Variants in MYBPC3 observed in about 807,000 individuals in gnomAD.
MYBPC3 encodes the protein myosin-binding protein C, cardiac-type.
A neutral mutation model predicts 159.3 loss-of-function variants in MYBPC3; 108 were observed. The observed-to-expected ratio is 0.68, with a 90% CI of 0.58 to 0.80. The LOEUF (loss-of-function observed/expected upper bound fraction) is 0.80, where lower values mean the gene tolerates loss of function less well. Ranked by LOEUF, MYBPC3 falls within the 30% of genes least tolerant of loss-of-function variation. The pLI is 0.00. For synonymous variants in MYBPC3, 730 were observed against 702.0 expected (o/e 1.04, Z -0.63); for missense variants, 1,631 against 1,762.1 (o/e 0.93, Z 1.33).
intron 21 of MYBPC3, 57 bp from the exon 22 acceptor site, chr11:47,339,461 G>A (rs530950117): frequency 8.5e-5 from 134 of 1,569,234 alleles, no homozygotes; most frequent in Middle Eastern, 5.0e-4. Context: ...GCCTGGAAGC[G>A]CCCCTCTGCT....
intron 20 of MYBPC3, among the ~76,000 whole-genome samples, chr11:47,340,441 G>A (rs2095887376): frequency 6.6e-6 from 1 of 152,222 alleles, no homozygotes; most frequent in African/African-American, 2.4e-5. Flanking sequence ...GAGGCAGGCA[G>A]ATCATGAGAT....
chr11:47,346,937 C>T lies in MYBPC3; in HGVS notation c.908+90G>A. The T allele has an allele frequency of 1.3e-6, 1 of 763,284 alleles. No homozygotes were observed. The highest frequency in any genetic ancestry group is 2.4e-6 in the Non-Finnish European group (1 of 418,354). The allele number at this position is 763,284 out of a possible 1,614,324, so 47.3% of individuals were successfully genotyped here. On this transcript the variant is annotated intron_variant, in intron 10 of 34. Coordinates refer to ENST00000545968, the MANE Select transcript of MYBPC3 (RefSeq NM_000256.3). This position sits in a 1 kb window ranked among gnomAD's most constrained non-coding sequence, Gnocchi z 5.3. ...GGGAGCCGCACCCTGCTCTGAGTCT[C>T]TCACCACAGCCTCTCAGAGAGGGGA...
At chr11:47,350,470 G>C (rs1299693260) in intron 3 of MYBPC3, 32 bp downstream of exon 3, 4 of 1,543,892 alleles carry the variant, frequency 2.6e-6, no homozygotes, top group Non-Finnish European at 3.5e-6. Context: ...CCTACCCACG[G>C]ATCCTGCCCC....
rs397515983 is a variant in MYBPC3, at chr11:47,335,900, C to T, written c.2714G>A (p.Ser905Asn). The T allele has an allele frequency of 4.5e-5, 70 of 1,538,762 alleles. No homozygotes were observed. The highest frequency in any genetic ancestry group is 6.1e-5 in the Non-Finnish European group (70 of 1,140,722). Residue 905 changes from serine to asparagine, a missense_variant, in exon 26 of 35, where the codon AGC becomes AAC. Physicochemically the swap from Ser to Asn is conservative, Grantham distance 46. Transcript: ENST00000545968. ...RVGAGGLDGY[S>N]VEYCPEGCSE... ...ACAGCCCTCTGGGCAGTACTCCACG[C>T]TGTAGCCATCCAGGCCTCCTGCTCC...
intron 3 of MYBPC3, 25 bp downstream of exon 3, chr11:47,350,476 GC>G (rs2095899550): frequency 6.5e-7 from 1 of 1,545,830 alleles, no homozygotes; most frequent in Non-Finnish European, 8.7e-7. Context: ...CACGGATCCT[GC>G]CCCTCCCTGC....
chr11:47,346,783 C>T lies in MYBPC3; in HGVS notation c.909-139G>A. On this transcript the variant is annotated intron_variant, in intron 10 of 34. Transcript: ENST00000545968. This position sits in a 1 kb window ranked among gnomAD's most constrained non-coding sequence, Gnocchi z 5.3. ...CACTTGCACTCCCTGTGTTGTGGGG[C>T]ACCCATGCTGCTCCGGAGGCTCTGG... 4.3e-6 allele frequency: 4 copies of T among 937,256 alleles called. No homozygotes were observed. Among genetic ancestry groups the T allele is most frequent in the Non-Finnish European group, 4.9e-6 (3 of 617,714 alleles). 58.1% of individuals were successfully genotyped at this position (937,256 alleles called of 1,614,324 possible).
chr11:47,343,346 A>G (rs1156397218), intron 13 of MYBPC3, 84 bp from the exon 14 acceptor site: 2 of 1,490,442 alleles, frequency 1.3e-6, no homozygotes, highest in East Asian at 4.7e-5. Flanking sequence ...AGGGACCGGC[A>G]GGAGCAAAAG....
chr11:47,332,556 A>G lies in MYBPC3; in HGVS notation c.3627+10T>C. ...CTGGTCGGCCTGGACCAGCGCCTAAAGTTCCCTACCTTGGGGCTACCCCGG... is the reference window on the plus strand; with the variant it reads ...CTGGTCGGCCTGGACCAGCGCCTAAGGTTCCCTACCTTGGGGCTACCCCGG... On this transcript the variant is annotated intron_variant, in intron 32 of 34. Transcript: ENST00000545968. This position sits in a 1 kb window ranked among gnomAD's most constrained non-coding sequence, Gnocchi z 4.2. The G allele has an allele frequency of 6.2e-7, 1 of 1,601,458 alleles. No homozygotes were observed. The highest frequency in any genetic ancestry group is 1.1e-5 in the South Asian group (1 of 90,580).
At chr11:47,342,957 G>T in intron 15 of MYBPC3, 22 bp from the exon 16 acceptor site, 1 of 1,611,530 alleles carries the variant, frequency 6.2e-7, no homozygotes. Flanking sequence ...GGGTGAGCAT[G>T]AGGGTTGGCT....
chr11:47,337,633 C>T (rs986921867), intron 24 of MYBPC3, 54 bp from the exon 25 acceptor site: 96 of 1,611,234 alleles, frequency 6.0e-5, no homozygotes, highest in Non-Finnish European at 8.0e-5. Flanking sequence ...CCCCACACCA[C>T]CTTCCCTCGG....
rs1256098161 is a variant in MYBPC3, at chr11:47,332,304, G to A, written c.3628-46C>T. On this transcript the variant is annotated intron_variant, in intron 32 of 34. Transcript: ENST00000545968. The surrounding 1 kb of genome is among the most constrained non-coding windows in gnomAD (Gnocchi z 4.2). Reference sequence around the variant, plus strand: ...GGGAGGGAAGCCATCCAGGCTGAGAGGGGACCTGGCAGGGACCCAGGGAGA... The same window carrying A: ...GGGAGGGAAGCCATCCAGGCTGAGAAGGGACCTGGCAGGGACCCAGGGAGA... The A allele has an allele frequency of 1.3e-6, 2 of 1,599,600 alleles. No homozygotes were observed. Among genetic ancestry groups the A allele is most frequent in the East Asian group, 2.2e-5 (1 of 44,802 alleles).
At chr11:47,347,173 T>C (rs1369095234) in intron 9 of MYBPC3, 144 bp from the exon 10 acceptor site, 2 of 1,451,156 alleles carry the variant, frequency 1.4e-6, no homozygotes, top group East Asian at 4.9e-5. Context: ...TCCCCGGAGT[T>C]TACGGAGGGA....
In MYBPC3 at chr11:47,331,527, T is replaced by A; in HGVS notation, c.*216A>T. The A allele has an allele frequency of 3.6e-6, 1 of 276,586 alleles. No homozygotes were observed. Among genetic ancestry groups the A allele is most frequent in the Non-Finnish European group, 6.8e-6 (1 of 147,112 alleles). 17.1% of individuals were successfully genotyped at this position (276,586 alleles called of 1,614,324 possible). A position where few individuals can be genotyped will look rare whatever the true frequency, so the allele number is the denominator to read the frequency against. On this transcript the variant is annotated 3_prime_UTR_variant, in exon 35 of 35. Coordinates refer to ENST00000545968, the MANE Select transcript of MYBPC3 (RefSeq NM_000256.3). ...GGCCACCCTCCTTTTACCCCAAAGATCCAGGGGCTTCCTTCAGGAGCCCTG... is the reference window on the plus strand; with the variant it reads ...GGCCACCCTCCTTTTACCCCAAAGAACCAGGGGCTTCCTTCAGGAGCCCTG...
chr11:47,336,106 G>C, intron 25 of MYBPC3, 95 bp from the exon 26 acceptor site: 1 of 1,220,626 alleles, frequency 8.2e-7, no homozygotes, highest in Non-Finnish European at 1.1e-6. Flanking sequence ...GTCACATAGG[G>C]GGCACTTCCT....
rs397515893 is a variant in MYBPC3 at position 47,343,158 on chromosome 11, C to T, written c.1227-13G>A. 8.7e-6 allele frequency: 14 copies of T among 1,607,902 alleles called. No individual in the cohort carries two copies. Among genetic ancestry groups the T allele is most frequent in the South Asian group, 1.1e-5 (1 of 90,304 alleles). On this transcript the variant is annotated splice_polypyrimidine_tract_variant and intron_variant, in intron 14 of 34. Coordinates refer to ENST00000545968, the MANE Select transcript of MYBPC3 (RefSeq NM_000256.3). ...CTCAAAGATGTACCTGGGTGGGGGC[C>T]GCAGGGAAGTGGCAGGAAAGCTGCG...
At chr11:47,341,099 C>T in intron 19 of MYBPC3, 39 bp downstream of exon 19, 2 of 1,565,582 alleles carry the variant, frequency 1.3e-6, no homozygotes, top group Non-Finnish European at 1.7e-6. Flanking sequence ...GGCTCCTGGC[C>T]CCACTGCCCC....
Position 47,335,200 on chromosome 11 carries a change from C to A in MYBPC3, c.2747G>T (p.Trp916Leu). 6.3e-7 allele frequency: 1 copy of A among 1,593,672 alleles called. No individual in the cohort carries two copies. The highest frequency in any genetic ancestry group is 8.6e-7 in the Non-Finnish European group (1 of 1,168,510). ...VEYCPEGCSE[W>L]VAALQGLTEH... ...TGTCAGCCCCTGCAGGGCAGCCACC[C>A]ACTCTGAGCCTGGGGGTGGGGAGGG... Residue 916 changes from tryptophan (W) to leucine (L), a missense_variant, in exon 27 of 35, where the codon TGG becomes TTG. Transcript: ENST00000545968.
Position 47,338,521 on chromosome 11 carries a change from G to T in MYBPC3, c.2307C>A (p.Ile769=). ...AGCTTGGACCCCGGCCGGCCTCACCGATGACCTTGACTGTGAGGTTGACCT... is the reference window on the plus strand; with the variant it reads ...AGCTTGGACCCCGGCCGGCCTCACCTATGACCTTGACTGTGAGGTTGACCT... ...EDQVNLTVKV[I]DVPDAPAAPK... Residue 769 remains isoleucine, a splice_region_variant and synonymous_variant, in exon 23 of 35, where the codon ATC becomes ATA. Coordinates refer to ENST00000545968, the MANE Select transcript of MYBPC3 (RefSeq NM_000256.3). The surrounding 1 kb of genome is among the most constrained non-coding windows in gnomAD (Gnocchi z 4.7). 2 of 1,613,978 alleles carry T rather than the reference G, an allele frequency of 1.2e-6. No individual in the cohort carries two copies. The highest frequency in any genetic ancestry group is 1.7e-6 in the Non-Finnish European group (2 of 1,179,884).
rs559961809 is a variant in MYBPC3 at position 47,335,938 on chromosome 11, G to T, written c.2676C>A (p.Pro892=). ...SDTTVSLKWR[P]PERVGAGGLD... ...GGCCTCCTGCTCCCACGCGCTCTGG[G>T]GGCCGCCACTTGAGGGAGACCGTGG... Residue 892 remains proline (P), a synonymous_variant, in exon 26 of 35, where the codon CCC becomes CCA. Coordinates refer to ENST00000545968, the MANE Select transcript of MYBPC3 (RefSeq NM_000256.3). 2 of 1,563,208 alleles carry T rather than the reference G, an allele frequency of 1.3e-6. No homozygotes were observed. The highest frequency in any genetic ancestry group is 1.9e-5 in the Admixed American group (1 of 52,720).
Sources: gnomAD v4.1 joint callset for allele counts (sites outside exome capture counted in the v4.1 genomes callset) on GRCh38, gnomAD v4.1.1 for gene constraint, Gnocchi (gnomAD v3.1) non-coding constraint, MANE v1.5 for transcripts, NCBI Gene and HGNC (gene_info 2026-07-23, HGNC 2026-07-21) for gene names.